Variants in PPP2R3B observed in about 807,000 individuals in gnomAD.
PPP2R3B encodes the protein serine/threonine-protein phosphatase 2A regulatory subunit B'' subunit beta.
In PPP2R3B, 68 loss-of-function variants were observed where a neutral mutation model predicts 72.9. The observed-to-expected ratio is 0.93, with a 90% CI of 0.77 to 1.14. The LOEUF (loss-of-function observed/expected upper bound fraction) is 1.14. Among genes scored for constraint, PPP2R3B ranks in the 50% most tolerant of loss-of-function variants. The pLI, the probability that PPP2R3B is intolerant of heterozygous loss-of-function variation, is 0.00. For missense variants in PPP2R3B, 1,018 were observed against 842.0 expected (o/e 1.21, Z -2.59); for synonymous variants, 466 against 375.8 (o/e 1.24, Z -2.78).
chrX:361,668 C>T lies in PPP2R3B; in HGVS notation c.325-78G>A. 1.9e-6 allele frequency: 3 copies of T among 1,547,828 alleles called. No individual in the cohort carries two copies. The South Asian group carries it at 3.6e-5, about 18-fold the overall frequency. ...TCTTCACCCGGACAACACACGGGGC[C>T]TCTCTAGGGCCGACAGTGCTGAGGC... On this transcript the variant is annotated intron_variant, in intron 1 of 12. Coordinates refer to ENST00000390665, the MANE Select transcript of PPP2R3B (RefSeq NM_013239.5).
At chrX:377,684 C>G (rs760882386) in intron 1 of PPP2R3B, among the ~76,000 whole-genome samples, 2 of 141,018 alleles carry the variant, frequency 1.4e-5, no homozygotes, top group African/African-American at 5.6e-5. Flanking sequence ...GTGGGGCCGC[C>G]ATGGGGCTGT....
intron 1 of PPP2R3B, among the ~76,000 whole-genome samples, chrX:375,395 C>T (rs2071968099): frequency 6.6e-6 from 1 of 151,060 alleles, no homozygotes; most frequent in Non-Finnish European, 1.5e-5. Context: ...AGGTGCTGCC[C>T]AGTCACCCAC....
intron 2 of PPP2R3B, among the ~76,000 whole-genome samples, chrX:349,740 T>C (rs1239063285): frequency 1.3e-5 from 2 of 152,172 alleles, no homozygotes; most frequent in Non-Finnish European, 2.9e-5. Context: ...TCTTCAATAA[T>C]GCCATCTATC....
At chrX:367,027 CAA>C (rs768980401) in intron 1 of PPP2R3B, among the ~76,000 whole-genome samples, 2 of 139,780 alleles carry the variant, frequency 1.4e-5, no homozygotes, top group African/African-American at 2.7e-5. Flanking sequence ...GACTCTGTCT[CAA>C]AAAAAAAAAA....
At chrX:350,257 C>G (rs28707513) in intron 2 of PPP2R3B, among the ~76,000 whole-genome samples, 44,220 of 152,012 alleles carry the variant, frequency 0.29, 6,953 homozygotes, top group Non-Finnish European at 0.36. Flanking sequence ...GGGATCCCAG[C>G]CCGAAGGGTG....
At position 341,346 on chromosome X, in the gene PPP2R3B, C is replaced by T; in HGVS notation, c.1136G>A (p.Trp379Ter). 1 of 1,612,626 alleles carries T rather than the reference C, an allele frequency of 6.2e-7. No homozygotes were observed. The highest frequency in any genetic ancestry group is 8.5e-7 in the Non-Finnish European group (1 of 1,179,710). Residue 379 changes from tryptophan to a stop codon, truncating the protein, a stop_gained, in exon 9 of 13, where the codon TGG becomes TAG. Transcript: ENST00000390665. LOFTEE classifies it high-confidence loss of function. ...TTTGTCTTCCTCAGAGATCAAAAAC[C>T]AGACAAAGTCGGCATAGCTGATCTT... ...EGKISYADFVWFLISEEDKKT... is the reference protein window; with the variant it reads ...EGKISYADFV
intron 2 of PPP2R3B, chrX:359,768 AT>A (rs1394625887): frequency 2.1e-6 from 1 of 481,432 alleles, no homozygotes; most frequent in Admixed American, 2.4e-5. Flanking sequence ...TCATACACAT[AT>A]TTGTACATAA....
At chrX:337,630 A>G (rs2070926475) in intron 12 of PPP2R3B, 1 of 152,256 alleles carries the variant, frequency 6.6e-6, no homozygotes, top group Admixed American at 6.5e-5. Flanking sequence ...TGAGTCTAAG[A>G]TTCACACACA....
chrX:348,299 G>T (rs866257361), intron 2 of PPP2R3B, among the ~76,000 whole-genome samples: 4 of 129,454 alleles, frequency 3.1e-5, no homozygotes, highest in East Asian at 2.4e-4. Flanking sequence ...TGGCTGGCTG[G>T]GCGTGGTGGC....
chrX:364,462 A>G (rs1367662535), intron 1 of PPP2R3B, among the ~76,000 whole-genome samples: 1 of 145,666 alleles, frequency 6.9e-6, no homozygotes, highest in Non-Finnish European at 1.5e-5. Flanking sequence ...TGAGCTGAGG[A>G]GTTCAAGACC....
At chrX:340,282 C>T (rs1346221743) in intron 10 of PPP2R3B, among the ~76,000 whole-genome samples, 2 of 149,130 alleles carry the variant, frequency 1.3e-5, no homozygotes, top group Admixed American at 1.3e-4. Flanking sequence ...CCAGTGCCAA[C>T]GTCCCCGGTG....
rs768661674 is a variant in PPP2R3B at position 334,350 on chromosome X, C to A, written c.*17G>T. On this transcript the variant is annotated 3_prime_UTR_variant, in exon 13 of 13. Coordinates refer to ENST00000390665, the MANE Select transcript of PPP2R3B (RefSeq NM_013239.5). Reference sequence around the variant, plus strand: ...CACGTGGGGAGCGGCCCCGCGGCGGCGTTCTCGCGGGCGGCGTCACAGCGG... The same window carrying A: ...CACGTGGGGAGCGGCCCCGCGGCGGAGTTCTCGCGGGCGGCGTCACAGCGG... The A allele has an allele frequency of 6.8e-7, 1 of 1,462,094 alleles. No individual in the cohort carries two copies. The highest frequency in any genetic ancestry group is 1.3e-5 in the South Asian group (1 of 74,474). 90.6% of individuals were successfully genotyped at this position (1,462,094 alleles called of 1,614,324 possible).
intron 1 of PPP2R3B, among the ~76,000 whole-genome samples, chrX:364,127 G>A (rs953633653): frequency 1.3e-5 from 2 of 152,260 alleles, no homozygotes; most frequent in Non-Finnish European, 2.9e-5. Context: ...CAGCCTTGCA[G>A]AGCTCTGGGG....
At chrX:374,393 C>T (rs1220044043) in intron 1 of PPP2R3B, among the ~76,000 whole-genome samples, 1 of 152,248 alleles carries the variant, frequency 6.6e-6, no homozygotes, top group Non-Finnish European at 1.5e-5. Context: ...CTCCGCCCCT[C>T]CCCAAACTTC....
At chrX:368,333 C>A (rs1262225563) in intron 1 of PPP2R3B, among the ~76,000 whole-genome samples, 2 of 86,462 alleles carry the variant, frequency 2.3e-5, no homozygotes, top group African/African-American at 1.0e-4. Flanking sequence ...CCTTGGGCAC[C>A]GACACGGGGA....
At chrX:339,280 G>GGT (rs1406858396) in intron 10 of PPP2R3B, among the ~76,000 whole-genome samples, 2 of 145,958 alleles carry the variant, frequency 1.4e-5, no homozygotes, top group African/African-American at 5.1e-5. Flanking sequence ...GCCGGGGGGG[G>GGT]CAGGGCTGCA....
At chrX:337,719 C>G (rs759461630) in intron 12 of PPP2R3B, 1 of 152,236 alleles carries the variant, frequency 6.6e-6, no homozygotes, top group Non-Finnish European at 1.5e-5. Context: ...CCAGCTCTGC[C>G]GCGGGAACGG....
chrX:346,063 GGGA>G, intron 6 of PPP2R3B, 108 bp downstream of exon 6: 1 of 539,876 alleles, frequency 1.9e-6, no homozygotes, highest in Non-Finnish European at 3.3e-6. Flanking sequence ...GGGTGGGGGT[GGGA>G]GAGGGGGTGG....
At chrX:383,582 A>C (rs1028034091) in intron 1 of PPP2R3B, among the ~76,000 whole-genome samples, 4 of 152,094 alleles carry the variant, frequency 2.6e-5, no homozygotes, top group African/African-American at 9.7e-5. Flanking sequence ...TCACACCTGT[A>C]ATCCCAAAAC....
Sources: gnomAD v4.1 joint callset for allele counts (sites outside exome capture counted in the v4.1 genomes callset) on GRCh38, gnomAD v4.1.1 for gene constraint, MANE v1.5 for transcripts, NCBI Gene and HGNC (gene_info 2026-07-23, HGNC 2026-07-21) for gene names.